RNF212B: variants seen among roughly 807,000 people sequenced by gnomAD.
RNF212B encodes ring finger protein 212B.
A neutral mutation model predicts 55.5 loss-of-function variants in RNF212B; 52 were observed. The ratio of observed to expected loss-of-function variants is 0.94; its 90% confidence interval spans 0.75 to 1.18. The LOEUF is 1.18. RNF212B is among the 50% of genes most tolerant of loss of function. The probability of loss-of-function intolerance (pLI) is 0.00; values close to 1 mark genes in which losing one functional copy is unlikely to be tolerated. For missense variants in RNF212B, 289 were observed against 350.4 expected (o/e 0.82, Z 1.40); for synonymous variants, 99 against 121.4 (o/e 0.82, Z 1.21).
chr14:23,192,867 G>A (rs1046633775), intron 1 of RNF212B, among the ~76,000 whole-genome samples: 2 of 151,936 alleles, frequency 1.3e-5, no homozygotes, highest in South Asian at 2.1e-4. Context: ...CAAGGTGGGC[G>A]GATCACCTGA....
rs547096915 is a variant in RNF212B at position 23,240,207 on chromosome 14, A to G, written c.-1-138A>G. Reference sequence around the variant, plus strand: ...TATGTACATATACTTCTTTACAACCAATTGGAATACCCACAATGATATGCC... The same window carrying G: ...TATGTACATATACTTCTTTACAACCGATTGGAATACCCACAATGATATGCC... On this transcript the variant is annotated intron_variant, in intron 1 of 14. Coordinates refer to ENST00000430154, the MANE Select transcript of RNF212B (RefSeq NM_001282322.3). The G allele has an allele frequency of 8.9e-4, 537 of 605,578 alleles. 5 individuals carry two copies. The South Asian group carries it at 0.011, about 12-fold the overall frequency. The allele number at this position is 605,578 out of a possible 1,614,324, so 37.5% of individuals were successfully genotyped here.
chr14:23,261,823 G>C (rs1885313855), intron 7 of RNF212B, among the ~76,000 whole-genome samples: 1 of 151,958 alleles, frequency 6.6e-6, no homozygotes, highest in South Asian at 2.1e-4. Context: ...AAATTAGCCG[G>C]GCGTGGTGGA....
chr14:23,206,053 T>C (rs1879800898), intron 2 of RNF212B, among the ~76,000 whole-genome samples: 1 of 152,214 alleles, frequency 6.6e-6, no homozygotes, highest in Non-Finnish European at 1.5e-5. Flanking sequence ...TTTTACTTAT[T>C]ACATAAACCT....
chr14:23,199,046 G>A (rs889033710), intron 2 of RNF212B, among the ~76,000 whole-genome samples: 14 of 152,228 alleles, frequency 9.2e-5, no homozygotes, highest in South Asian at 2.1e-4. Flanking sequence ...ATAGCAATGG[G>A]CACATCTTGT....
intron 2 of RNF212B, among the ~76,000 whole-genome samples, chr14:23,207,545 G>A (rs1223363099): frequency 6.6e-6 from 1 of 152,200 alleles, no homozygotes; most frequent in African/African-American, 2.4e-5. Context: ...TCTGTAGAGG[G>A]TATTTTCAGA....
intron 1 of RNF212B, among the ~76,000 whole-genome samples, chr14:23,191,466 T>TTC (rs369819691): frequency 0.015 from 2,339 of 152,278 alleles, 57 homozygotes; most frequent in African/African-American, 0.054. Flanking sequence ...TCCTTGTTTG[T>TTC]CTTTCCTATT....
chr14:23,211,771 G>A (rs1880542056), intron 2 of RNF212B, among the ~76,000 whole-genome samples: 1 of 152,162 alleles, frequency 6.6e-6, no homozygotes, highest in South Asian at 2.1e-4. Flanking sequence ...CACCCAAGCT[G>A]GAGTGCAGTG....
At chr14:23,240,104 T>TAC (rs928607995) in intron 1 of RNF212B, among the ~76,000 whole-genome samples, 8 of 151,392 alleles carry the variant, frequency 5.3e-5, no homozygotes, top group African/African-American at 1.7e-4. Flanking sequence ...TATATATATA[T>TAC]ACACACACAC....
At chr14:23,271,452 A>AG (rs1364654022) in intron 14 of RNF212B, among the ~76,000 whole-genome samples, 1 of 151,254 alleles carries the variant, frequency 6.6e-6, no homozygotes, top group Non-Finnish European at 1.5e-5. Context: ...CAAAAAAAAA[A>AG]AGAAAAAGAA....
chr14:23,232,416 TGTCTGAGAAGTGAGGAGCGCCTCC>T (rs1265983660), intron 2 of RNF212B, among the ~76,000 whole-genome samples: 47 of 111,250 alleles, frequency 4.2e-4, no homozygotes, highest in African/African-American at 1.5e-3. Context: ...GCAGCCGCCC[TGTCTGAGAAGTGAGGAGCGCCTCC>T]GCCCGGCAGC....
intron 13 of RNF212B, 66 bp downstream of exon 13, chr14:23,270,026 T>G: frequency 1.1e-6 from 1 of 908,686 alleles, no homozygotes; most frequent in East Asian, 2.6e-5. Context: ...AAAATGAAGA[T>G]TTTCAAGATG....
At chr14:23,260,723 C>T in intron 7 of RNF212B, 36 bp downstream of exon 7, 1 of 1,538,746 alleles carries the variant, frequency 6.5e-7, no homozygotes, top group Non-Finnish European at 8.8e-7. Context: ...GCCCAGCCCC[C>T]TGAAAATTCC....
intron 4 of RNF212B, among the ~76,000 whole-genome samples, chr14:23,253,303 AT>A: frequency 6.6e-6 from 1 of 152,288 alleles, no homozygotes; most frequent in African/African-American, 2.4e-5. Context: ...CAATAAAGGT[AT>A]ATATTTCAGT....
chr14:23,259,805 T>A (rs1395275322), intron 5 of RNF212B, 79 bp from the exon 6 acceptor site: 2 of 672,084 alleles, frequency 3.0e-6, no homozygotes, highest in African/African-American at 3.7e-5. Flanking sequence ...ATTAACTAGA[T>A]GTTAATAGTT....
intron 2 of RNF212B, among the ~76,000 whole-genome samples, chr14:23,200,158 A>T (rs1879149875): frequency 6.6e-6 from 1 of 152,134 alleles, no homozygotes; most frequent in Non-Finnish European, 1.5e-5. Flanking sequence ...ATGCTTGGCC[A>T]AATTATTTGT....
Position 23,273,111 on chromosome 14 carries a change from C to A in RNF212B, c.*220C>A. On this transcript the variant is annotated 3_prime_UTR_variant, in exon 15 of 15. Coordinates refer to ENST00000430154, the MANE Select transcript of RNF212B (RefSeq NM_001282322.3). ...TAGTGCTTCAGGAAGATGTTTATAT[C>A]TCTTCCAGAAGACACTGGTAGCTCC... 2.6e-6 allele frequency: 1 copy of A among 385,736 alleles called. No homozygotes were observed. Among genetic ancestry groups the A allele is most frequent in the Non-Finnish European group, 4.6e-6 (1 of 215,670 alleles). 23.9% of individuals were successfully genotyped at this position (385,736 alleles called of 1,614,324 possible). A position where few individuals can be genotyped will look rare whatever the true frequency, so the allele number is the denominator to read the frequency against.
At chr14:23,250,124 T>C (rs192571152) in intron 4 of RNF212B, among the ~76,000 whole-genome samples, 2 of 152,288 alleles carry the variant, frequency 1.3e-5, no homozygotes, top group Admixed American at 1.3e-4. Flanking sequence ...TTCTTTGCAG[T>C]TCTTTTACAG....
intron 2 of RNF212B, among the ~76,000 whole-genome samples, chr14:23,214,670 A>G (rs1353925218): frequency 1.3e-5 from 2 of 151,664 alleles, no homozygotes; most frequent in African/African-American, 4.8e-5. Context: ...TTGAAGATAA[A>G]ATAATAATAA....
At chr14:23,212,805 C>G (rs1373540292) in intron 2 of RNF212B, among the ~76,000 whole-genome samples, 3 of 151,826 alleles carry the variant, frequency 2.0e-5, no homozygotes, top group Non-Finnish European at 4.4e-5. Flanking sequence ...CATGCCCAGC[C>G]AGAAATTTAA....
Sources: gnomAD v4.1 joint callset for allele counts (sites outside exome capture counted in the v4.1 genomes callset) on GRCh38, gnomAD v4.1.1 for gene constraint, MANE v1.5 for transcripts, NCBI Gene and HGNC (gene_info 2026-07-23, HGNC 2026-07-21) for gene names.